Variants in DNAI4 observed in about 807,000 individuals in gnomAD.
DNAI4 encodes WD repeat domain 78.
In DNAI4, 85 loss-of-function variants were observed where a neutral mutation model predicts 105.8. The ratio of observed to expected loss-of-function variants is 0.80; its 90% confidence interval spans 0.67 to 0.96. The LOEUF is 0.96. DNAI4 is among the 40% of genes least tolerant of loss of function. The pLI is 0.00. For synonymous variants in DNAI4, 352 were observed against 331.5 expected (o/e 1.06, Z -0.67); for missense variants, 1,014 against 1,005.6 (o/e 1.01, Z -0.11).
intron 1 of DNAI4, chr1:66,907,058 A>T (rs1269172891): frequency 3.3e-5 from 5 of 152,060 alleles, no homozygotes; most frequent in Non-Finnish European, 7.4e-5. Context: ...TCAACTTGAA[A>T]ATCCTTCCTT....
At chr1:66,844,096 A>AC (rs1160300010) in intron 8 of DNAI4, among the ~76,000 whole-genome samples, 2 of 148,802 alleles carry the variant, frequency 1.3e-5, no homozygotes, top group East Asian at 2.1e-4. Flanking sequence ...AAAAAAAAAA[A>AC]AAAAAAAAAA....
chr1:66,822,991 C>T (rs1004870821), intron 15 of DNAI4, among the ~76,000 whole-genome samples: 3 of 152,030 alleles, frequency 2.0e-5, no homozygotes, highest in African/African-American at 7.2e-5. Flanking sequence ...CTGTGCCATG[C>T]TGGTGCGCTG....
At chr1:66,894,090 A>G (rs556615120) in intron 2 of DNAI4, among the ~76,000 whole-genome samples, 3 of 152,272 alleles carry the variant, frequency 2.0e-5, no homozygotes, top group Admixed American at 2.0e-4. Context: ...ACGAAACTAC[A>G]CTTTTTAATA....
intron 7 of DNAI4, among the ~76,000 whole-genome samples, chr1:66,854,600 G>A (rs1177536838): frequency 6.6e-6 from 1 of 152,092 alleles, no homozygotes; most frequent in Non-Finnish European, 1.5e-5. Context: ...TCAGGAGTTC[G>A]AGACCAGCCT....
At position 66,871,434 on chromosome 1, in the gene DNAI4, C is replaced by A. The variant is rs1283783445; in HGVS notation, c.876G>T (p.Gln292His). 1 of 1,610,826 alleles carries A rather than the reference C, an allele frequency of 6.2e-7. No individual in the cohort carries two copies. Among genetic ancestry groups the A allele is most frequent in the East Asian group, 2.2e-5 (1 of 44,778 alleles). Residue 292 changes from glutamine (Q) to histidine (H), a missense_variant, in exon 6 of 17, where the codon CAG (glutamine) becomes CAT (histidine). By Grantham distance (24) the Gln-to-His change is conservative (BLOSUM62 0). Coordinates refer to ENST00000371026, the MANE Select transcript of DNAI4 (RefSeq NM_024763.5). ...GNDLYVERMMQTFNGAPKNKD... is the reference protein window; with the variant it reads ...GNDLYVERMMHTFNGAPKNKD... ...TATTCTTTGGTGCTCCATTGAAAGT[C>A]TGCATCATCCTTTCAACATATAGGT...
intron 4 of DNAI4, among the ~76,000 whole-genome samples, chr1:66,881,428 C>T (rs1425294990): frequency 8.8e-6 from 1 of 113,400 alleles, no homozygotes; most frequent in Non-Finnish European, 1.9e-5. Context: ...CATGGGAACC[C>T]ACCTCTTGCA....
chr1:66,825,061 G>A (rs2100354746), intron 15 of DNAI4, among the ~76,000 whole-genome samples: 1 of 151,898 alleles, frequency 6.6e-6, no homozygotes, highest in Admixed American at 6.6e-5. Flanking sequence ...TATAAAGATA[G>A]GAATATATAG....
At chr1:66,858,237 A>G (rs1203587895) in intron 7 of DNAI4, among the ~76,000 whole-genome samples, 1 of 152,000 alleles carries the variant, frequency 6.6e-6, no homozygotes, top group Admixed American at 6.6e-5. Flanking sequence ...CATGAAAGTA[A>G]TGCAAAAATT....
chr1:66,890,867 G>GAAGAAGAAC lies in DNAI4; in HGVS notation c.643+286_643+287insGTTCTTCTT, dbSNP rs1156638983. 4 of 325,114 alleles carry GAAGAAGAAC rather than the reference G, an allele frequency of 1.2e-5. No homozygotes were observed. The African/African-American group carries it at 2.1e-4, about 17-fold the overall frequency. 20.1% of individuals were successfully genotyped at this position (325,114 alleles called of 1,614,324 possible). On this transcript the variant is annotated intron_variant, in intron 4 of 16. Transcript: ENST00000371026. This position sits in a 1 kb window ranked among gnomAD's most constrained non-coding sequence, Gnocchi z 4.1. ...GGAAGAGGAAGAAGAAGAGGAAGAG[G>GAAGAAGAAC]AAGAAGAAGAAGAAGAAGCAGAAGC...
Position 66,879,559 on chromosome 1 carries a change from T to G in DNAI4, c.644-4622A>C, listed in dbSNP as rs531790774. 2.0e-5 allele frequency among the ~76,000 whole-genome samples: 3 copies of G among 152,322 alleles called. No homozygotes were observed. In the East Asian group the frequency reaches 5.8e-4, roughly 29 times the overall value. On this transcript the variant is annotated intron_variant, in intron 4 of 16. Transcript: ENST00000371026. ...TTGGGTAAATACCAAGGAACACAAC[T>G]GCTTGATGATATGGTAAGAGTATGT...
intron 10 of DNAI4, among the ~76,000 whole-genome samples, chr1:66,836,236 AAGAAAGAAAGAGAGAGAG>A (rs1646004150): frequency 7.8e-6 from 1 of 128,048 alleles, no homozygotes; most frequent in East Asian, 2.2e-4. Flanking sequence ...GAGAGAGAGA[AAGAAAGAAAGAGAGAGAG>A]AGAAAGAAAG....
At position 66,874,720 on chromosome 1, in the gene DNAI4, A is replaced by G. The variant is rs1430282241; in HGVS notation, c.800+61T>C. The G allele has an allele frequency of 3.9e-6, 6 of 1,539,174 alleles. No homozygotes were observed. In the East Asian group the frequency reaches 6.8e-5, roughly 17 times the overall value. On this transcript the variant is annotated intron_variant, in intron 5 of 16. Coordinates refer to ENST00000371026, the MANE Select transcript of DNAI4 (RefSeq NM_024763.5). ...AAGGACCCTTCACAGAAACAAGGATAAGAACCCTTGGCTTAGCATTTGAAT... is the reference window on the plus strand; with the variant it reads ...AAGGACCCTTCACAGAAACAAGGATGAGAACCCTTGGCTTAGCATTTGAAT...
chr1:66,909,487 C>CT (rs564709453), intron 1 of DNAI4, among the ~76,000 whole-genome samples: 3,788 of 143,818 alleles, frequency 0.026, 62 homozygotes, highest in Non-Finnish European at 0.039. Context: ...ATTCTTTTCT[C>CT]TTTTTTTTTT....
intron 1 of DNAI4, 52 bp downstream of exon 1, chr1:66,924,610 C>A (rs991241553): frequency 3.7e-6 from 6 of 1,612,184 alleles, no homozygotes; most frequent in South Asian, 1.1e-5. Flanking sequence ...AATAGAAGGG[C>A]TCCCTCCGGG....
At chr1:66,857,864 G>A (rs1385396187) in intron 7 of DNAI4, among the ~76,000 whole-genome samples, 2 of 151,794 alleles carry the variant, frequency 1.3e-5, no homozygotes, top group Non-Finnish European at 2.9e-5. Context: ...GGGATTACAG[G>A]CGTGAGCCAC....
In DNAI4 at chr1:66,893,387, A is replaced by C. The variant is rs141676579; in HGVS notation, c.372T>G (p.Val124=). ...CTGGATGGTAAAGAGGTCGGGGAGTAACATCAGTTCCATTTATGTCAAATA... is the reference window on the plus strand; with the variant it reads ...CTGGATGGTAAAGAGGTCGGGGAGTCACATCAGTTCCATTTATGTCAAATA... ...TQVFDINGTD[V]TPRPLYHPDP... The change falls in exon 3 of 17, where the codon GTT becomes GTG. Residue 124 remains valine (V), a synonymous_variant. Transcript: ENST00000371026. The C allele has an allele frequency of 1.4e-5, 22 of 1,584,024 alleles. No homozygotes were observed. Among genetic ancestry groups the C allele is most frequent in the African/African-American group, 2.7e-5 (2 of 73,468 alleles).
Position 66,837,699 on chromosome 1 carries a change from G to A in DNAI4, c.1581+11C>T, listed in dbSNP as rs372936324. Reference sequence around the variant, plus strand: ...CCAGATAAAAATGCTTCTTATTCTTGTTTGGGTTACCATGGGATTCTTTAT... The same window carrying A: ...CCAGATAAAAATGCTTCTTATTCTTATTTGGGTTACCATGGGATTCTTTAT... On this transcript the variant is annotated intron_variant, in intron 10 of 16. Transcript: ENST00000371026. 6.2e-7 allele frequency: 1 copy of A among 1,602,396 alleles called. No individual in the cohort carries two copies. The highest frequency in any genetic ancestry group is 1.3e-5 in the African/African-American group (1 of 74,596).
At chr1:66,835,063 T>C (rs952393228) in intron 11 of DNAI4, among the ~76,000 whole-genome samples, 1 of 152,160 alleles carries the variant, frequency 6.6e-6, no homozygotes, top group Non-Finnish European at 1.5e-5. Context: ...ATATGACTCA[T>C]TTATTCATCA....
chr1:66,856,540 T>C (rs544524174), intron 7 of DNAI4, among the ~76,000 whole-genome samples: 1 of 151,982 alleles, frequency 6.6e-6, no homozygotes, highest in Non-Finnish European at 1.5e-5. Flanking sequence ...CAAATAAACA[T>C]TTTTCTCAAG....
Sources: gnomAD v4.1 joint callset for allele counts (sites outside exome capture counted in the v4.1 genomes callset) on GRCh38, gnomAD v4.1.1 for gene constraint, Gnocchi (gnomAD v3.1) non-coding constraint, MANE v1.5 for transcripts, NCBI Gene and HGNC (gene_info 2026-07-23, HGNC 2026-07-21) for gene names.